The following SLC43A1 variants were observed in gnomAD, a reference collection of about 807,000 sequenced individuals.
SLC43A1 encodes solute carrier family 43 member 1.
In SLC43A1, 31 loss-of-function variants were observed where a neutral mutation model predicts 59.5. The ratio of observed to expected loss-of-function variants is 0.52; its 90% CI spans 0.39 to 0.70. The LOEUF is 0.70. Among genes scored for constraint, SLC43A1 ranks in the 30% least tolerant of loss-of-function variants. SLC43A1 has a pLI of 0.00. For missense variants in SLC43A1, 598 were observed against 717.8 expected, an observed-to-expected ratio of 0.83 and a Z score of 1.91; for synonymous variants, 259 against 290.9, an observed-to-expected ratio of 0.89 and a Z score of 1.12.
chr11:57,514,409 C>G lies in SLC43A1; in HGVS notation c.-13-285G>C. 2 of 394,548 alleles carry G rather than the reference C, an allele frequency of 5.1e-6. No homozygotes were observed. Among genetic ancestry groups the G allele is most frequent in the Non-Finnish European group, 9.2e-6 (2 of 217,452 alleles). 24.4% of individuals were successfully genotyped at this position (394,548 alleles called of 1,614,324 possible). ...TAGCAGGCTGCCGGGTTCTCTCACC[C>G]AGGCCAGGGCGCTCAGGGCCGGGCT... On this transcript the variant is annotated intron_variant, in intron 1 of 14. Transcript: ENST00000278426. This position sits in a 1 kb window ranked among gnomAD's most constrained non-coding sequence, Gnocchi z 5.5.
chr11:57,513,007 C>G (rs1435918834), intron 2 of SLC43A1, among the ~76,000 whole-genome samples: 1 of 152,134 alleles, frequency 6.6e-6, no homozygotes, highest in East Asian at 1.9e-4. Flanking sequence ...CCAGGAGCAA[C>G]GAGAAGGACA....
At chr11:57,506,864 G>C (rs1944406889) in intron 2 of SLC43A1, among the ~76,000 whole-genome samples, 1 of 152,168 alleles carries the variant, frequency 6.6e-6, no homozygotes, top group Admixed American at 6.6e-5. Flanking sequence ...AAGAACTTTA[G>C]CAATTGTTTT....
intron 2 of SLC43A1, among the ~76,000 whole-genome samples, chr11:57,511,259 A>AC (rs1259574087): frequency 9.9e-5 from 15 of 152,068 alleles, no homozygotes; most frequent in African/African-American, 3.1e-4. Context: ...CCCAGTCTCT[A>AC]TAAAAAAATT....
Position 57,512,306 on chromosome 11 carries a change from G to A in SLC43A1, c.154+1652C>T, listed in dbSNP as rs188521808. On this transcript the variant is annotated intron_variant, in intron 2 of 14. Coordinates refer to ENST00000278426, the MANE Select transcript of SLC43A1 (RefSeq NM_003627.6). The stretch of plus-strand genomic sequence containing the variant: ...GAAGGCAGGAAGAAGTTACACAAGG[G>A]GTAGGCCAAGAGTGGTGGCTCATGT... Among the ~76,000 whole-genome samples the A allele has an allele frequency of 2.2e-3, 336 of 152,176 alleles. 2 individuals are homozygous for A. The highest frequency in any genetic ancestry group is 7.5e-3 in the African/African-American group (310 of 41,508).
At chr11:57,492,536 G>GTATATATATA (rs71061509) in intron 8 of SLC43A1, among the ~76,000 whole-genome samples, 5 of 79,858 alleles carry the variant, frequency 6.3e-5, no homozygotes, top group East Asian at 4.4e-4. Flanking sequence ...ATAATTTTGT[G>GTATATATATA]TATATATATA....
intron 5 of SLC43A1, among the ~76,000 whole-genome samples, chr11:57,499,396 G>A (rs1431967881): frequency 2.0e-5 from 3 of 151,962 alleles, no homozygotes; most frequent in East Asian, 1.9e-4. Flanking sequence ...GAAGTGGCTG[G>A]CTCAGGAAAA....
intron 7 of SLC43A1, among the ~76,000 whole-genome samples, chr11:57,495,358 C>T (rs553733610): frequency 3.9e-4 from 59 of 151,834 alleles, no homozygotes; most frequent in South Asian, 1.5e-3. Context: ...GGTGTGGTGG[C>T]GCGTGCCTGT....
chr11:57,497,213 G>A (rs1389852731), intron 6 of SLC43A1, among the ~76,000 whole-genome samples: 2 of 151,948 alleles, frequency 1.3e-5, no homozygotes, highest in African/African-American at 4.8e-5. Context: ...CAGTCAAAGG[G>A]TCCTTTGATA....
chr11:57,486,994 C>G (rs563272547), intron 14 of SLC43A1, 101 bp downstream of exon 14: 1 of 1,303,142 alleles, frequency 7.7e-7, no homozygotes, highest in South Asian at 1.3e-5. Context: ...CTCTGAGGTG[C>G]CTCTGGCTGA....
intron 14 of SLC43A1, 53 bp downstream of exon 14, chr11:57,487,042 C>T: frequency 6.3e-7 from 1 of 1,596,950 alleles, no homozygotes; most frequent in South Asian, 1.1e-5. Context: ...AGGCCCTACC[C>T]CTGCCCCCAG....
intron 13 of SLC43A1, among the ~76,000 whole-genome samples, chr11:57,488,614 C>T (rs997742474): frequency 7.9e-5 from 12 of 152,150 alleles, no homozygotes; most frequent in African/African-American, 2.9e-4. Context: ...CAAATGGCTG[C>T]CCTTGGGAAA....
At chr11:57,496,282 A>T in intron 6 of SLC43A1, 118 bp from the exon 7 acceptor site, 1 of 1,180,608 alleles carries the variant, frequency 8.5e-7, no homozygotes, top group Non-Finnish European at 1.2e-6. Flanking sequence ...CCTTGTGCCC[A>T]ATTTGCAGAT....
chr11:57,491,291 T>A lies in SLC43A1; in HGVS notation c.1126A>T (p.Ile376Phe), dbSNP rs755973959. The A allele has an allele frequency of 1.2e-6, 2 of 1,611,860 alleles. No individual in the cohort carries two copies. Among genetic ancestry groups the A allele is most frequent in the African/African-American group, 2.7e-5 (2 of 74,846 alleles). The change falls in exon 11 of 15, where the codon ATC becomes TTC. Residue 376 changes from isoleucine to phenylalanine, a missense_variant. Coordinates refer to ENST00000278426, the MANE Select transcript of SLC43A1 (RefSeq NM_003627.6). Reference sequence around the variant, plus strand: ...CAGTCCTTGATCCGCCAGTCCATGATGTAGCCAATGAGGGGGCAGGTGAGA... The same window carrying A: ...CAGTCCTTGATCCGCCAGTCCATGAAGTAGCCAATGAGGGGGCAGGTGAGA... ...CLLTCPLIGY[I>F]MDWRIKDCVD...
At chr11:57,507,187 G>A (rs1419004759) in intron 2 of SLC43A1, among the ~76,000 whole-genome samples, 1 of 152,192 alleles carries the variant, frequency 6.6e-6, no homozygotes, top group Admixed American at 6.5e-5. Context: ...ATTAGCCGAG[G>A]CCAGGTGCAG....
chr11:57,487,243 G>T (rs774653011), intron 13 of SLC43A1, 25 bp from the exon 14 acceptor site: 2 of 1,607,706 alleles, frequency 1.2e-6, no homozygotes, highest in South Asian at 1.1e-5. Context: ...GGGAGTATCA[G>T]GGGTGTGTGG....
At chr11:57,504,555 A>G (rs185978218) in intron 2 of SLC43A1, among the ~76,000 whole-genome samples, 20 of 152,340 alleles carry the variant, frequency 1.3e-4, no homozygotes, top group African/African-American at 3.8e-4. Flanking sequence ...ATAACCCTAA[A>G]GGGTGAGTAC....
At chr11:57,499,821 GGAGGGTCT>G (rs1432530426) in intron 5 of SLC43A1, 3 of 152,588 alleles carry the variant, frequency 2.0e-5, no homozygotes, top group African/African-American at 7.2e-5. Context: ...CGGCCGCCAG[GGAGGGTCT>G]GAGGTCAAGC....
intron 5 of SLC43A1, among the ~76,000 whole-genome samples, chr11:57,500,033 A>C (rs1431508678): frequency 1.3e-5 from 2 of 152,114 alleles, no homozygotes; most frequent in Non-Finnish European, 2.9e-5. Context: ...CTTCTCAGAG[A>C]TAAACAGTCC....
intron 13 of SLC43A1, among the ~76,000 whole-genome samples, chr11:57,487,875 A>G (rs540076994): frequency 6.6e-6 from 1 of 152,278 alleles, no homozygotes; most frequent in South Asian, 2.1e-4. Context: ...GGACTAGTAC[A>G]TGCAAAGATG....
Sources: gnomAD v4.1 joint callset for allele counts (sites outside exome capture counted in the v4.1 genomes callset) on GRCh38, gnomAD v4.1.1 for gene constraint, Gnocchi (gnomAD v3.1) non-coding constraint, MANE v1.5 for transcripts, NCBI Gene and HGNC (gene_info 2026-07-23, HGNC 2026-07-21) for gene names.